The following IFT172 variants were observed in gnomAD, a reference collection of about 807,000 sequenced individuals.
The protein encoded by IFT172 is intraflagellar transport 172.
A neutral mutation model predicts 248.9 loss-of-function variants in IFT172; 164 were observed. That is an observed-to-expected ratio of 0.66 (90% CI 0.58 to 0.75). IFT172 has a LOEUF of 0.75. Among genes scored for constraint, IFT172 ranks in the 30% least tolerant of loss-of-function variants. The pLI, the probability that IFT172 is intolerant of heterozygous loss-of-function variation, is 0.00. For missense variants in IFT172, 1,950 were observed against 2,192.4 expected, an observed-to-expected ratio of 0.89 and a Z score of 2.21; for synonymous variants, 729 against 791.6, an observed-to-expected ratio of 0.92 and a Z score of 1.33.
chr2:27,445,982 C>T lies in IFT172; in HGVS notation c.4762G>A (p.Gly1588Ser). 1 of 1,614,216 alleles carries T rather than the reference C, an allele frequency of 6.2e-7. No individual in the cohort carries two copies. Among genetic ancestry groups the T allele is most frequent in the Non-Finnish European group, 8.5e-7 (1 of 1,180,042 alleles). The change falls in exon 44 of 48, where the codon GGC becomes AGC. Residue 1588 changes from glycine (G) to serine (S), a missense_variant. Gly to Ser is a moderately conservative substitution (Grantham distance 56, BLOSUM62 0). This residue lies in a region of IFT172 where 620 missense variants were observed against 699.0 expected (regional missense o/e 0.89). Coordinates refer to ENST00000260570, the MANE Select transcript of IFT172 (RefSeq NM_015662.3). This position sits in a 1 kb window ranked among gnomAD's most constrained non-coding sequence, Gnocchi z 4.4. ...YEAGIAAKAV[G>S]WDNMAFIFLN... ...AAGATGAATGCCATGTTATCCCAGCCAACTGCCTGCAGCAAAGAAGAGTTG... is the reference window on the plus strand; with the variant it reads ...AAGATGAATGCCATGTTATCCCAGCTAACTGCCTGCAGCAAAGAAGAGTTG...
chr2:27,461,166 GA>G (rs1357714051), intron 22 of IFT172, 73 bp from the exon 23 acceptor site: 32 of 1,613,172 alleles, frequency 2.0e-5, no homozygotes, highest in Non-Finnish European at 2.6e-5. Flanking sequence ...GAAAACAAGG[GA>G]ACACCAGCAG....
chr2:27,457,169 A>C (rs1321590248), intron 29 of IFT172, among the ~76,000 whole-genome samples: 1 of 152,228 alleles, frequency 6.6e-6, no homozygotes, highest in African/African-American at 2.4e-5. Context: ...TAAAATTATA[A>C]GTGAAATTTT....
intron 1 of IFT172, 152 bp downstream of exon 1, chr2:27,489,463 G>A (rs770956267): frequency 3.3e-6 from 2 of 606,254 alleles, no homozygotes; most frequent in Non-Finnish European, 6.0e-6. Flanking sequence ...TCGCCTCCTG[G>A]ACGCTGTATC....
chr2:27,477,475 A>G (rs750845754), intron 12 of IFT172, 84 bp downstream of exon 12: 4 of 1,236,394 alleles, frequency 3.2e-6, no homozygotes, highest in African/African-American at 3.0e-5. Context: ...CTGTTTCCCT[A>G]TCCCTTGCAA....
At position 27,453,757 on chromosome 2, in the gene IFT172, T is replaced by C. The variant is rs765501150; in HGVS notation, c.3712-18A>G. 6 of 1,605,222 alleles carry C rather than the reference T, an allele frequency of 3.7e-6. No individual in the cohort carries two copies. In the East Asian group the frequency reaches 6.7e-5, roughly 18 times the overall value. ...CCAGCCTCCTGCTCAGATTTCCAGG[T>C]ATCAAGAGGGCAGAGGCAGGCCTGA... On this transcript the variant is annotated intron_variant, in intron 33 of 47. Coordinates refer to ENST00000260570, the MANE Select transcript of IFT172 (RefSeq NM_015662.3).
chr2:27,459,621 T>C, intron 24 of IFT172, 88 bp downstream of exon 24: 1 of 1,601,624 alleles, frequency 6.2e-7, no homozygotes, highest in South Asian at 1.1e-5. Flanking sequence ...CATTTTGAGA[T>C]CTCTTCTTTA....
chr2:27,446,187 A>G (rs1665078521), intron 43 of IFT172, 73 bp downstream of exon 43: 1 of 1,469,306 alleles, frequency 6.8e-7, no homozygotes, highest in Admixed American at 1.7e-5. Flanking sequence ...CCTCTACCAG[A>G]GCAGAAGGGA....
intron 7 of IFT172, among the ~76,000 whole-genome samples, chr2:27,481,644 G>A (rs1288778049): frequency 1.3e-5 from 2 of 151,286 alleles, no homozygotes; most frequent in African/African-American, 4.9e-5. Context: ...AGGTTCAAGC[G>A]ATTCTCCTGT....
chr2:27,460,907 A>G (rs1666605205), intron 23 of IFT172, 108 bp downstream of exon 23: 1 of 1,172,598 alleles, frequency 8.5e-7, no homozygotes, highest in African/African-American at 1.5e-5. Flanking sequence ...CCACCTTACG[A>G]GAAACACCCA....
At chr2:27,478,227 T>G (rs1668109675) in intron 10 of IFT172, 71 bp from the exon 11 acceptor site, 1 of 1,585,758 alleles carries the variant, frequency 6.3e-7, no homozygotes, top group Non-Finnish European at 8.6e-7. Flanking sequence ...CCATGACCTT[T>G]GCCCACCTCC....
chr2:27,460,929 G>A (rs1290104738), intron 23 of IFT172, 86 bp downstream of exon 23: 7 of 1,502,468 alleles, frequency 4.7e-6, no homozygotes, highest in Non-Finnish European at 6.5e-6. Context: ...AGGTGTGTAG[G>A]GGCAACCCAC....
intron 16 of IFT172, among the ~76,000 whole-genome samples, chr2:27,470,626 GA>G (rs1470277413): frequency 6.6e-6 from 1 of 152,150 alleles, no homozygotes; most frequent in Non-Finnish European, 1.5e-5. Flanking sequence ...CATAGAAGGA[GA>G]TGACATTAGA....
At chr2:27,459,279 G>T (rs1666434568) in intron 25 of IFT172, 99 bp downstream of exon 25, 1 of 1,444,308 alleles carries the variant, frequency 6.9e-7, no homozygotes, top group Non-Finnish European at 9.4e-7. Context: ...AGCCCAGAAA[G>T]AAGGATCTGG....
At chr2:27,446,206 T>G in intron 43 of IFT172, 54 bp downstream of exon 43, 1 of 1,562,040 alleles carries the variant, frequency 6.4e-7, no homozygotes, top group Non-Finnish European at 8.8e-7. Flanking sequence ...GATATTCTAT[T>G]TTCCAACCTT....
intron 18 of IFT172, 92 bp from the exon 19 acceptor site, chr2:27,463,273 A>G (rs1666823412): frequency 6.8e-6 from 8 of 1,180,894 alleles, no homozygotes; most frequent in East Asian, 2.6e-5. Context: ...ATGTACATCT[A>G]TGATGTGCCA....
chr2:27,483,254 C>A (rs747682897), intron 7 of IFT172, 35 bp downstream of exon 7: 2 of 1,229,856 alleles, frequency 1.6e-6, no homozygotes, highest in South Asian at 1.2e-5. Context: ...TGGACTCAAG[C>A]AATCCAAGCC....
At chr2:27,446,591 G>C in intron 42 of IFT172, 1 of 380,018 alleles carries the variant, frequency 2.6e-6, no homozygotes, top group South Asian at 3.4e-5. Flanking sequence ...TCAGCTCACT[G>C]CAACCTCTGC....
chr2:27,477,642 G>A, intron 11 of IFT172, 30 bp from the exon 12 acceptor site: 5 of 1,453,440 alleles, frequency 3.4e-6, no homozygotes, highest in Non-Finnish European at 4.8e-6. Context: ...AAGAAGCAAT[G>A]TGGATAAATA....
intron 15 of IFT172, chr2:27,471,984 G>A: frequency 1.9e-6 from 1 of 519,622 alleles, no homozygotes; most frequent in Middle Eastern, 4.9e-4. Context: ...GTTGCAGTGA[G>A]CCCAGATTGT....
Sources: gnomAD v4.1 joint callset for allele counts (sites outside exome capture counted in the v4.1 genomes callset) on GRCh38, gnomAD v4.1.1 for gene constraint, gnomAD v4.1.1 regional missense constraint, Gnocchi (gnomAD v3.1) non-coding constraint, MANE v1.5 for transcripts, NCBI Gene and HGNC (gene_info 2026-07-23, HGNC 2026-07-21) for gene names.